The following CTSH variants were observed in gnomAD, a reference collection of about 807,000 sequenced individuals.
CTSH encodes cathepsin H, also known as pro-cathepsin H.
CTSH carries 52 observed loss-of-function variants against 56.3 expected under a neutral mutation model. The observed-to-expected ratio is 0.92, with a 90% confidence interval of 0.74 to 1.16. The LOEUF (loss-of-function observed/expected upper bound fraction) is 1.16. CTSH is among the 50% of genes most tolerant of loss of function. The pLI is 0.00. For missense variants in CTSH, 406 were observed against 424.5 expected (o/e 0.96, Z 0.38); for synonymous variants, 174 against 155.7 (o/e 1.12, Z -0.88).
chr15:78,937,442 GTAGC>G lies in CTSH; in HGVS notation c.124-23_124-20del. On this transcript the variant is annotated intron_variant, in intron 2 of 11. Transcript: ENST00000220166. ...TACGGTGCTAAAACAAAACACGCCA[GTAGC>G]AAGTCATGGAAACAGGCTGCAGCTC... The G allele has an allele frequency of 6.2e-7, 1 of 1,601,670 alleles. No individual in the cohort carries two copies. Among genetic ancestry groups the G allele is most frequent in the South Asian group, 1.1e-5 (1 of 90,396 alleles).
At chr15:78,933,742 G>A (rs1360453998) in intron 5 of CTSH, among the ~76,000 whole-genome samples, 3 of 152,212 alleles carry the variant, frequency 2.0e-5, no homozygotes, top group Admixed American at 6.5e-5. Flanking sequence ...TTGGACCTCA[G>A]GCAAACCACC....
chr15:78,925,533 GC>G, intron 9 of CTSH, 93 bp from the exon 10 acceptor site: 1 of 796,136 alleles, frequency 1.3e-6, no homozygotes. Context: ...GGGGCTAGAG[GC>G]CCAGAGCAGC....
intron 1 of CTSH, among the ~76,000 whole-genome samples, chr15:78,940,310 A>G (rs1487005310): frequency 6.6e-6 from 1 of 152,208 alleles, no homozygotes; most frequent in African/African-American, 2.4e-5. Flanking sequence ...AACACCTGGC[A>G]GTGTGGCCCA....
In CTSH at chr15:78,931,313, T is replaced by C. The variant is rs2055054683; in HGVS notation, c.548+138A>G. On this transcript the variant is annotated intron_variant, in intron 7 of 11. Transcript: ENST00000220166. ...CCTGGCCATGTGAGGTGACCACCCC[T>C]GTACAACAGAGACCATTTTGCCATC... The C allele has an allele frequency of 4.6e-6, 5 of 1,083,570 alleles. 1 individual carries two copies. In the South Asian group the frequency reaches 5.5e-5, roughly 12 times the overall value. The allele number at this position is 1,083,570 out of a possible 1,614,324, so 67.1% of individuals were successfully genotyped here. A position where few individuals can be genotyped will look rare whatever the true frequency, so the allele number is the denominator to read the frequency against.
chr15:78,930,573 A>AAATAAAT (rs1567359810), intron 7 of CTSH, among the ~76,000 whole-genome samples: 2 of 149,298 alleles, frequency 1.3e-5, no homozygotes, highest in East Asian at 3.9e-4. Context: ...AATAAATAAA[A>AAATAAAT]AATAAAAACG....
intron 6 of CTSH, 58 bp from the exon 7 acceptor site, chr15:78,931,564 G>A (rs536305771): frequency 1.7e-5 from 27 of 1,613,392 alleles, no homozygotes; most frequent in South Asian, 1.4e-4. Flanking sequence ...AGGCTTTGGC[G>A]TGAGGCGCTA....
At chr15:78,927,683 T>G (rs1300092158) in intron 9 of CTSH, 30 bp downstream of exon 9, 2 of 1,606,314 alleles carry the variant, frequency 1.2e-6, no homozygotes, top group African/African-American at 2.7e-5. Flanking sequence ...CAGGACACAT[T>G]CCCCATCCCA....
chr15:78,942,360 C>T (rs2055314145), intron 1 of CTSH, among the ~76,000 whole-genome samples: 1 of 152,010 alleles, frequency 6.6e-6, no homozygotes, highest in Non-Finnish European at 1.5e-5. Flanking sequence ...TTACAGGTGC[C>T]CACCACCACG....
rs1346115881 is a variant in CTSH at position 78,923,896 on chromosome 15, A to C, written c.807-778T>G. ...GAACAAACTGCAGTGGTCAGGTGTGAATTCAGCTGATGTGTAAGTGGGCCA... is the reference window on the plus strand; with the variant it reads ...GAACAAACTGCAGTGGTCAGGTGTGCATTCAGCTGATGTGTAAGTGGGCCA... On this transcript the variant is annotated intron_variant, in intron 10 of 11. Transcript: ENST00000220166. 2.6e-5 allele frequency among the ~76,000 whole-genome samples: 4 copies of C among 152,270 alleles called. No individual in the cohort carries two copies. In the East Asian group the frequency reaches 7.7e-4, roughly 29 times the overall value.
intron 7 of CTSH, among the ~76,000 whole-genome samples, chr15:78,929,740 C>T (rs902634275): frequency 1.3e-5 from 2 of 152,132 alleles, no homozygotes; most frequent in Admixed American, 6.5e-5. Flanking sequence ...TAAGGCCAGC[C>T]GCTCTGTCAG....
intron 2 of CTSH, 56 bp downstream of exon 2, chr15:78,939,084 A>G: frequency 2.0e-6 from 3 of 1,497,144 alleles, no homozygotes; most frequent in South Asian, 1.2e-5. Flanking sequence ...GTTTGGTTTG[A>G]TAACAGGAAA....
chr15:78,933,618 G>A (rs1396489957), intron 5 of CTSH: 3 of 436,268 alleles, frequency 6.9e-6, no homozygotes, highest in Non-Finnish European at 1.4e-5. Context: ...GGCAGACGTG[G>A]CCACTTCGGG....
intron 5 of CTSH, chr15:78,933,526 C>G (rs1164194545): frequency 2.2e-6 from 1 of 455,344 alleles, no homozygotes. Context: ...CTGGCCTCAC[C>G]CAATCTCTTC....
At chr15:78,929,113 C>G (rs1362781726) in intron 8 of CTSH, among the ~76,000 whole-genome samples, 1 of 151,606 alleles carries the variant, frequency 6.6e-6, no homozygotes, top group Non-Finnish European at 1.5e-5. Context: ...GGGAGAGGAG[C>G]CAGGAAGATG....
intron 1 of CTSH, among the ~76,000 whole-genome samples, chr15:78,940,576 A>G (rs1366574478): frequency 6.6e-6 from 1 of 151,848 alleles, no homozygotes; most frequent in African/African-American, 2.4e-5. Flanking sequence ...AGATTGTTAT[A>G]TCATTCTTTT....
chr15:78,927,670 C>T, intron 9 of CTSH, 43 bp downstream of exon 9: 1 of 1,580,728 alleles, frequency 6.3e-7, no homozygotes, highest in Non-Finnish European at 8.7e-7. Flanking sequence ...GAGGCCTCCT[C>T]ATCAGGACAC....
At chr15:78,931,179 C>G (rs2055051687) in intron 7 of CTSH, among the ~76,000 whole-genome samples, 1 of 152,054 alleles carries the variant, frequency 6.6e-6, no homozygotes, top group African/African-American at 2.4e-5. Context: ...CTCCCAGAGG[C>G]CTTGGTGGCG....
intron 1 of CTSH, among the ~76,000 whole-genome samples, chr15:78,941,428 A>AG (rs1049249215): frequency 1.3e-5 from 2 of 149,126 alleles, no homozygotes; most frequent in African/African-American, 4.9e-5. Context: ...TGTCTAAAAA[A>AG]AAAAAAAAAA....
intron 8 of CTSH, among the ~76,000 whole-genome samples, chr15:78,929,192 C>T (rs998230491): frequency 4.0e-5 from 6 of 151,726 alleles, no homozygotes; most frequent in Middle Eastern, 3.4e-3. Context: ...TGCCGCAGAG[C>T]GGGTATGGGG....
Sources: gnomAD v4.1 joint callset for allele counts (sites outside exome capture counted in the v4.1 genomes callset) on GRCh38, gnomAD v4.1.1 for gene constraint, MANE v1.5 for transcripts, NCBI Gene and HGNC (gene_info 2026-07-23, HGNC 2026-07-21) for gene names.